Variants in URB1 observed in about 807,000 individuals in gnomAD.
URB1 encodes URB1 ribosome biogenesis factor.
In URB1, 197 loss-of-function variants were observed where a neutral mutation model predicts 242.3. That is an observed-to-expected ratio of 0.81 (90% confidence interval 0.72 to 0.91). URB1 has a LOEUF of 0.91. Ranked by LOEUF, URB1 falls within the 40% of genes least tolerant of loss-of-function variation. The probability of loss-of-function intolerance (pLI) is 0.00; values close to 1 mark genes in which losing one functional copy is unlikely to be tolerated. For synonymous variants in URB1, 1,153 were observed against 1,201.8 expected, an observed-to-expected ratio of 0.96 and a Z score of 0.84; for missense variants, 2,721 against 2,860.5, an observed-to-expected ratio of 0.95 and a Z score of 1.11.
rs2033265674 is a variant in URB1, at chr21:32,359,963, C to A, written c.1757-55G>T. ...AAGTCACATGGACGTGGGTGCCCAA[C>A]AATTGCTGCCCTGGCCAGAAGGACA... On this transcript the variant is annotated intron_variant, in intron 13 of 38. Coordinates refer to ENST00000382751, the MANE Select transcript of URB1 (RefSeq NM_014825.3). 4 of 1,479,440 alleles carry A rather than the reference C, an allele frequency of 2.7e-6. No homozygotes were observed. The East Asian group carries it at 9.9e-5, about 37-fold the overall frequency. 91.6% of individuals were successfully genotyped at this position (1,479,440 alleles called of 1,614,324 possible).
At chr21:32,341,365 CCACGTGGATTATGCTA>C (rs1294857048) in intron 25 of URB1, 85 bp downstream of exon 25, 1 of 1,200,274 alleles carries the variant, frequency 8.3e-7, no homozygotes, top group African/African-American at 1.5e-5. Flanking sequence ...ATCGGCTCCA[CCACGTGGATTATGCTA>C]ATAACAAGCT....
At chr21:32,361,192 AAAG>A in intron 12 of URB1, 69 bp from the exon 13 acceptor site, 1 of 925,134 alleles carries the variant, frequency 1.1e-6, no homozygotes, top group Non-Finnish European at 1.6e-6. Context: ...AGAAAGAAAG[AAAG>A]AAAGAAAGAA....
intron 10 of URB1, 32 bp downstream of exon 10, chr21:32,366,586 G>A: frequency 1.3e-6 from 2 of 1,550,216 alleles, no homozygotes. Flanking sequence ...GCTGGAGGCA[G>A]TTCCAGAAGT....
At position 32,344,540 on chromosome 21, in the gene URB1, T is replaced by C. The variant is rs772491314; in HGVS notation, c.4257+30A>G. On this transcript the variant is annotated intron_variant, in intron 24 of 38. Transcript: ENST00000382751. ...TAGCATACTCTTTCCCACAGAAATT[T>C]AATCTGGATCTCTAAGAAAAGACAC... The C allele has an allele frequency of 1.3e-4, 198 of 1,547,422 alleles. 1 individual carries two copies. In the Middle Eastern group the frequency reaches 1.7e-3, roughly 13 times the overall value.
In URB1 at chr21:32,317,765, A is replaced by G. The variant is rs1452055463; in HGVS notation, c.5945T>C (p.Leu1982Ser). The change falls in exon 37 of 39, where the codon TTG (leucine) becomes TCG (serine). Residue 1982 changes from leucine (L) to serine (S), a missense_variant. Physicochemically the swap from Leu to Ser is moderately radical, Grantham distance 145 (BLOSUM62 -2). Coordinates refer to ENST00000382751, the MANE Select transcript of URB1 (RefSeq NM_014825.3). ...VLSTKDVLVL[L>S]HKWSLIERDL... ...TCTTTCAATGAGGCTCCACTTGTGC[A>G]AGAGGACAAGGACGTCCTTGGTGGA... 6.4e-7 allele frequency: 1 copy of G among 1,551,876 alleles called. No homozygotes were observed. Among genetic ancestry groups the G allele is most frequent in the Non-Finnish European group, 8.7e-7 (1 of 1,147,030 alleles).
intron 5 of URB1, among the ~76,000 whole-genome samples, chr21:32,377,006 C>G (rs2033466763): frequency 6.6e-6 from 1 of 152,102 alleles, no homozygotes; most frequent in South Asian, 2.1e-4. Flanking sequence ...TGACCAGTCC[C>G]CAATTTGCTC....
chr21:32,316,742 C>T lies in URB1; in HGVS notation c.6358G>A (p.Gly2120Arg). 1.9e-6 allele frequency: 3 copies of T among 1,551,304 alleles called. No individual in the cohort carries two copies. The highest frequency in any genetic ancestry group is 1.7e-6 in the Non-Finnish European group (2 of 1,146,882). Residue 2120 changes from glycine (G) to arginine (R), a missense_variant, in exon 38 of 39, where the codon GGA (glycine) becomes AGA (arginine). Gly to Arg is a moderately radical substitution (Grantham distance 125, BLOSUM62 -2). Transcript: ENST00000382751. ...EHPLSRAEAA[G>R]LIGWLKSHIL... ...TGGCTCTTAAGCCAGCCAATGAGTC[C>T]TGCAGCCTCTGCCCTGCTGAGCGGG...
Position 32,338,798 on chromosome 21 carries a change from C to T in URB1, c.4419G>A (p.Pro1473=), listed in dbSNP as rs776145659. ...SSVRTKLIQL[P]VVYVMLMQHS... is the part of the protein sequence containing the mutation. ...GCTGCATGAGCATCACGTAGACCAC[C>T]GGGAGCTGGATGAGCTTCGTGCGCA... The change falls in exon 26 of 39, where the codon CCG becomes CCA. Residue 1473 remains proline, a synonymous_variant. Coordinates refer to ENST00000382751, the MANE Select transcript of URB1 (RefSeq NM_014825.3). 1.7e-5 allele frequency: 27 copies of T among 1,551,554 alleles called. No individual in the cohort carries two copies. The highest frequency in any genetic ancestry group is 2.3e-5 in the Non-Finnish European group (26 of 1,147,004).
chr21:32,357,737 A>C, intron 14 of URB1, 81 bp from the exon 15 acceptor site: 1 of 1,114,250 alleles, frequency 9.0e-7, no homozygotes. Flanking sequence ...TATTAGAAAC[A>C]TACCATGGGG....
Position 32,349,475 on chromosome 21 carries a change from T to G in URB1, c.2841A>C (p.Arg947Ser), listed in dbSNP as rs1173491733. The part of the protein sequence containing the change: ...STVENFGQLG[R>S]SVGPPLLQLF... ...GCTGCAGGAGGGGCGGGCCCACACT[T>G]CTGCCCAGCTGTGAGGACAAGAGCA... The change falls in exon 21 of 39, where the codon AGA (arginine) becomes AGC (serine). Residue 947 changes from arginine (R) to serine (S), a missense_variant. Coordinates refer to ENST00000382751, the MANE Select transcript of URB1 (RefSeq NM_014825.3). 1 of 1,547,938 alleles carries G rather than the reference T, an allele frequency of 6.5e-7. No homozygotes were observed. Among genetic ancestry groups the G allele is most frequent in the Non-Finnish European group, 8.7e-7 (1 of 1,145,762 alleles).
rs147891643 is a variant in URB1, at chr21:32,369,227, G to A, written c.1002-629C>T. On this transcript the variant is annotated intron_variant, in intron 8 of 38. Coordinates refer to ENST00000382751, the MANE Select transcript of URB1 (RefSeq NM_014825.3). Reference sequence around the variant, plus strand: ...AACACAAAAAAATTAGCCAGGCATGGTGGTGCCTGCCTATAGTCCTAGCTA... The same window carrying A: ...AACACAAAAAAATTAGCCAGGCATGATGGTGCCTGCCTATAGTCCTAGCTA... Among the ~76,000 whole-genome samples, 856 of 152,182 alleles carry A rather than the reference G, an allele frequency of 5.6e-3. 1 individual carries two copies. The highest frequency in any genetic ancestry group is 0.01 in the Middle Eastern group (3 of 294).
rs1388443464 is a variant in URB1 at position 32,313,473 on chromosome 21, G to A, written c.*1445C>T. 6.6e-6 allele frequency: 1 copy of A among 152,208 alleles called. No individual in the cohort carries two copies. The highest frequency in any genetic ancestry group is 1.5e-5 in the Non-Finnish European group (1 of 68,050). The allele number at this position is 152,208 out of a possible 1,614,324, so 9.4% of individuals were successfully genotyped here. On this transcript the variant is annotated 3_prime_UTR_variant, in exon 39 of 39. Transcript: ENST00000382751. ...CAGGATAGTCTCAAAGAATAGCGTT[G>A]TAAGGTTTATTTGGGTAGGGAAGGG...
chr21:32,348,402 T>C (rs1274092911), intron 21 of URB1, among the ~76,000 whole-genome samples: 1 of 152,170 alleles, frequency 6.6e-6, no homozygotes, highest in African/African-American at 2.4e-5. Context: ...GTCTCCACTG[T>C]CAGGAGGAGA....
intron 28 of URB1, among the ~76,000 whole-genome samples, chr21:32,336,300 G>GT (rs996290394): frequency 2.0e-5 from 3 of 152,012 alleles, no homozygotes; most frequent in African/African-American, 7.3e-5. Context: ...GTACTTTGAC[G>GT]TGGAAATTGT....
At chr21:32,362,058 C>T (rs2123599644) in intron 11 of URB1, 37 bp from the exon 12 acceptor site, 2 of 1,547,228 alleles carry the variant, frequency 1.3e-6, no homozygotes, top group South Asian at 1.2e-5. Context: ...TAGTTGTAGT[C>T]AACCACAAAG....
At chr21:32,358,538 G>A (rs2033249524) in intron 14 of URB1, among the ~76,000 whole-genome samples, 1 of 152,170 alleles carries the variant, frequency 6.6e-6, no homozygotes, top group Non-Finnish European at 1.5e-5. Context: ...GAGCCTGTGT[G>A]TCTCACTACA....
rs907985028 is a variant in URB1 at position 32,361,971 on chromosome 21, C to T, written c.1560G>A (p.Lys520=). Residue 520 remains lysine (K), a synonymous_variant, in exon 12 of 39, where the codon AAG becomes AAA. Transcript: ENST00000382751. ...TVVWVWQSLK[K]QETKQDDKKG... The stretch of plus-strand genomic sequence containing the variant: ...TCTTGTCATCCTGTTTGGTCTCTTG[C>T]TTTTTAAGTGACTGCCAGACCCACA... 3.9e-6 allele frequency: 6 copies of T among 1,551,596 alleles called. No individual in the cohort carries two copies. The highest frequency in any genetic ancestry group is 5.2e-6 in the Non-Finnish European group (6 of 1,146,906).
At chr21:32,367,186 T>C (rs1312619277) in intron 9 of URB1, among the ~76,000 whole-genome samples, 2 of 152,134 alleles carry the variant, frequency 1.3e-5, no homozygotes, top group Non-Finnish European at 2.9e-5. Flanking sequence ...AACAAAAATA[T>C]ATTCACAGAT....
chr21:32,361,299 G>A (rs1374087672), intron 12 of URB1, among the ~76,000 whole-genome samples, 176 bp from the exon 13 acceptor site: 2 of 152,164 alleles, frequency 1.3e-5, no homozygotes, highest in African/African-American at 2.4e-5. Context: ...GCTGTACACC[G>A]AGGCTGCAGA....
Sources: allele counts gnomAD v4.1 joint callset (sites outside exome capture counted in the v4.1 genomes callset), GRCh38; gene constraint gnomAD v4.1.1; transcripts MANE v1.5; gene names NCBI Gene and HGNC (gene_info 2026-07-23, HGNC 2026-07-21).